Variants in COMMD1 observed in about 807,000 individuals in gnomAD.
COMMD1 encodes the protein copper metabolism domain containing 1, also known as COMM domain-containing protein 1.
In COMMD1, 10 loss-of-function variants were observed where a neutral mutation model predicts 17.2. That is an observed-to-expected ratio of 0.58 (90% CI 0.36 to 0.99). The LOEUF (loss-of-function observed/expected upper bound fraction) is 0.99, where lower values mean the gene tolerates loss of function less well. COMMD1 is among the 50% of genes least tolerant of loss of function. The probability of loss-of-function intolerance (pLI) is 0.01; values close to 1 mark genes in which losing one functional copy is unlikely to be tolerated. For missense variants in COMMD1, 270 were observed against 231.8 expected, an observed-to-expected ratio of 1.17 and a Z score of -1.07; for synonymous variants, 97 against 91.6, an observed-to-expected ratio of 1.06 and a Z score of -0.34.
intron 1 of COMMD1, among the ~76,000 whole-genome samples, chr2:61,934,122 T>C (rs1670542126): frequency 6.6e-6 from 1 of 152,130 alleles, no homozygotes; most frequent in Non-Finnish European, 1.5e-5. Context: ...CAGAACTATA[T>C]ATGTTTAAAT....
chr2:62,020,106 C>G (rs923209352), intron 2 of COMMD1, among the ~76,000 whole-genome samples: 8 of 152,188 alleles, frequency 5.3e-5, no homozygotes, highest in African/African-American at 1.9e-4. Context: ...GTAGTTTCTT[C>G]AGCTCCTTGA....
intron 2 of COMMD1, among the ~76,000 whole-genome samples, chr2:62,132,296 C>T (rs1255852966): frequency 6.6e-6 from 1 of 152,190 alleles, no homozygotes; most frequent in Admixed American, 6.5e-5. Flanking sequence ...CTGAAACCTA[C>T]AACAAACTAA....
At chr2:61,985,602 A>G (rs1387735189) in intron 1 of COMMD1, among the ~76,000 whole-genome samples, 1 of 151,910 alleles carries the variant, frequency 6.6e-6, no homozygotes, top group Non-Finnish European at 1.5e-5. Context: ...ATTTGGTGGT[A>G]TGTTTTAATA....
chr2:62,090,331 T>C (rs1671791879), intron 2 of COMMD1, among the ~76,000 whole-genome samples: 2 of 151,986 alleles, frequency 1.3e-5, no homozygotes, highest in Admixed American at 6.6e-5. Flanking sequence ...ATTCTTTGAT[T>C]AGACTCACAA....
At chr2:61,942,100 C>G (rs765452704) in intron 1 of COMMD1, among the ~76,000 whole-genome samples, 1 of 152,124 alleles carries the variant, frequency 6.6e-6, no homozygotes, top group Non-Finnish European at 1.5e-5. Flanking sequence ...AAAAACACAT[C>G]CTCGTGTTTG....
chr2:62,074,992 C>A (rs1248605267), intron 2 of COMMD1, among the ~76,000 whole-genome samples: 1 of 149,682 alleles, frequency 6.7e-6, no homozygotes, highest in Non-Finnish European at 1.5e-5. Context: ...CGGGTTCAAG[C>A]GATTCTCCTG....
chr2:61,905,324 T>G (rs1669742878), upstream of COMMD1, among the ~76,000 whole-genome samples: 1 of 152,236 alleles, frequency 6.6e-6, no homozygotes, highest in Non-Finnish European at 1.5e-5. Context: ...GGTTGGCAAG[T>G]CCTGGAATGA....
intron 1 of COMMD1, among the ~76,000 whole-genome samples, chr2:61,995,851 G>A (rs951074690): frequency 5.9e-5 from 9 of 152,142 alleles, no homozygotes; most frequent in African/African-American, 1.9e-4. Flanking sequence ...TTGATTATGA[G>A]GGTCAAGTGC....
rs191864680 is a variant in COMMD1 at position 61,917,912 on chromosome 2, A to G, written c.180+12054A>G. 1.9e-3 allele frequency among the ~76,000 whole-genome samples: 284 copies of G among 152,336 alleles called. 4 individuals carry two copies. Among genetic ancestry groups the G allele is most frequent in the African/African-American group, 5.8e-3 (241 of 41,580 alleles). ...AATGGATGTAGAATATATAGTCTTAAAGTGTTTATATTAGGAAACAGAAGA... is the reference window on the plus strand; with the variant it reads ...AATGGATGTAGAATATATAGTCTTAGAGTGTTTATATTAGGAAACAGAAGA... On this transcript the variant is annotated intron_variant, in intron 1 of 2. Coordinates refer to ENST00000311832, the MANE Select transcript of COMMD1 (RefSeq NM_152516.4).
chr2:62,108,717 A>G (rs929380348), intron 2 of COMMD1, among the ~76,000 whole-genome samples: 4 of 152,100 alleles, frequency 2.6e-5, no homozygotes, highest in Admixed American at 2.0e-4. Context: ...CTGTTTATCA[A>G]TTGCCTTCAG....
intron 1 of COMMD1, among the ~76,000 whole-genome samples, chr2:61,898,476 A>T (rs1039330566): frequency 2.0e-5 from 3 of 152,154 alleles, no homozygotes. Flanking sequence ...ACCCTGTCTC[A>T]AGAAAATAAA....
At chr2:62,039,910 A>T (rs1219366698) in intron 2 of COMMD1, among the ~76,000 whole-genome samples, 1 of 152,158 alleles carries the variant, frequency 6.6e-6, no homozygotes, top group Non-Finnish European at 1.5e-5. Flanking sequence ...TCCTGGGAAA[A>T]ATTTATATAG....
intron 2 of COMMD1, among the ~76,000 whole-genome samples, chr2:62,020,474 A>G (rs1252157490): frequency 6.6e-6 from 1 of 152,076 alleles, no homozygotes; most frequent in African/African-American, 2.4e-5. Flanking sequence ...TCCAACCTGT[A>G]GATGTTTGGG....
chr2:62,111,661 T>A (rs1672459807), intron 2 of COMMD1, among the ~76,000 whole-genome samples: 1 of 152,142 alleles, frequency 6.6e-6, no homozygotes, highest in African/African-American at 2.4e-5. Flanking sequence ...AATTCTGGTT[T>A]CTATGACTTG....
At chr2:61,992,942 G>A (rs528713562) in intron 1 of COMMD1, among the ~76,000 whole-genome samples, 1 of 152,110 alleles carries the variant, frequency 6.6e-6, no homozygotes, top group African/African-American at 2.4e-5. Flanking sequence ...TTAATATAAG[G>A]ATACTTTGAA....
intron 2 of COMMD1, among the ~76,000 whole-genome samples, chr2:62,060,584 TCTGA>T (rs1670830449): frequency 6.6e-6 from 1 of 152,246 alleles, no homozygotes; most frequent in Non-Finnish European, 1.5e-5. Context: ...TTCATTTCTT[TCTGA>T]AGATCTGTTC....
chr2:62,053,199 A>AG (rs1490238513), intron 2 of COMMD1, among the ~76,000 whole-genome samples: 1 of 152,202 alleles, frequency 6.6e-6, no homozygotes, highest in Non-Finnish European at 1.5e-5. Context: ...AGATGAGTGT[A>AG]GGAGCAGGAT....
At chr2:61,943,421 T>C (rs1373471800) in intron 1 of COMMD1, among the ~76,000 whole-genome samples, 1 of 152,030 alleles carries the variant, frequency 6.6e-6, no homozygotes, top group Non-Finnish European at 1.5e-5. Context: ...TTTAGTGGAG[T>C]GGGTCAAAGT....
intron 2 of COMMD1, among the ~76,000 whole-genome samples, chr2:62,059,642 A>C (rs779559407): frequency 3.9e-5 from 6 of 152,166 alleles, no homozygotes; most frequent in Non-Finnish European, 8.8e-5. Context: ...ATTATAACCC[A>C]CTACAGCCTT....
Sources: gnomAD v4.1 joint callset for allele counts (sites outside exome capture counted in the v4.1 genomes callset) on GRCh38, gnomAD v4.1.1 for gene constraint, MANE v1.5 for transcripts, NCBI Gene and HGNC (gene_info 2026-07-23, HGNC 2026-07-21) for gene names.